The following BTBD16 variants were observed in gnomAD, a reference collection of about 807,000 sequenced individuals.
BTBD16 encodes the protein BTB/POZ domain-containing protein 16.
Under a neutral mutation model 67.4 loss-of-function variants are expected in BTBD16, and 66 were observed. The ratio of observed to expected loss-of-function variants is 0.98; its 90% CI spans 0.80 to 1.20. The LOEUF is 1.20. Among genes scored for constraint, BTBD16 ranks in the 50% most tolerant of loss-of-function variants. BTBD16 has a pLI of 0.00. For synonymous variants in BTBD16, 242 were observed against 236.4 expected, an observed-to-expected ratio of 1.02 and a Z score of -0.22; for missense variants, 634 against 616.0, an observed-to-expected ratio of 1.03 and a Z score of -0.31.
At chr10:122,291,913 G>A (rs1468117052) in intron 7 of BTBD16, among the ~76,000 whole-genome samples, 1 of 152,154 alleles carries the variant, frequency 6.6e-6, no homozygotes, top group East Asian at 1.9e-4. Flanking sequence ...GAACCAGGAG[G>A]CATTCAAAGT....
chr10:122,312,552 G>C (rs2096415944), intron 10 of BTBD16, among the ~76,000 whole-genome samples: 1 of 151,910 alleles, frequency 6.6e-6, no homozygotes, highest in African/African-American at 2.4e-5. Context: ...AACCTTAAGT[G>C]ATCCACCCGC....
chr10:122,292,412 G>A (rs1478654232), intron 7 of BTBD16, among the ~76,000 whole-genome samples: 1 of 152,238 alleles, frequency 6.6e-6, no homozygotes, highest in Non-Finnish European at 1.5e-5. Context: ...TGGGGCTTTG[G>A]GAAGTAAGTA....
chr10:122,273,229 T>TATATATATATATATATATATATAC (rs2096333016), intron 1 of BTBD16, among the ~76,000 whole-genome samples: 1 of 146,740 alleles, frequency 6.8e-6, no homozygotes, highest in East Asian at 2.0e-4. Context: ...AAGATATATA[T>TATATATATATATATATATATATAC]ATATATATAT....
Position 122,332,967 on chromosome 10 carries a change from T to G in BTBD16, c.1164+454T>G, listed in dbSNP as rs892835859. 5.1e-6 allele frequency: 5 copies of G among 985,222 alleles called. No individual in the cohort carries two copies. The African/African-American group carries it at 7.0e-5, about 14-fold the overall frequency. 61.0% of individuals were successfully genotyped at this position (985,222 alleles called of 1,614,324 possible). A position where few individuals can be genotyped will look rare whatever the true frequency, so the allele number is the denominator to read the frequency against. On this transcript the variant is annotated intron_variant, in intron 13 of 15. Transcript: ENST00000260723. The stretch of plus-strand genomic sequence containing the variant: ...ATTTTGATGGATTTCAGAATAAAAC[T>G]GCAGTGGGTCAAGGAGCTTGATTGC...
intron 10 of BTBD16, among the ~76,000 whole-genome samples, chr10:122,325,678 A>G (rs746949169): frequency 2.2e-4 from 34 of 151,700 alleles, no homozygotes; most frequent in Non-Finnish European, 2.7e-4. Flanking sequence ...ATAGATAGAT[A>G]GATTTTTTTT....
At chr10:122,290,118 T>G in intron 6 of BTBD16, 120 bp downstream of exon 6, 1 of 667,456 alleles carries the variant, frequency 1.5e-6, no homozygotes, top group Non-Finnish European at 2.5e-6. Context: ...TTCAGTGCTT[T>G]CTTATTAAAA....
chr10:122,322,672 T>C (rs974177118), intron 10 of BTBD16, among the ~76,000 whole-genome samples: 5 of 152,208 alleles, frequency 3.3e-5, no homozygotes, highest in African/African-American at 1.2e-4. Flanking sequence ...CTGTGGAAGA[T>C]GATCTTATTT....
At chr10:122,275,898 A>G (rs528355282) in intron 2 of BTBD16, among the ~76,000 whole-genome samples, 25 of 152,346 alleles carry the variant, frequency 1.6e-4, no homozygotes, top group African/African-American at 6.0e-4. Context: ...TTCAAAAAAA[A>G]ACTTGCCCAT....
At position 122,284,610 on chromosome 10, in the gene BTBD16, T is replaced by A. The variant is rs144306963; in HGVS notation, c.241+686T>A. On this transcript the variant is annotated intron_variant, in intron 4 of 15. Transcript: ENST00000260723. ...TCTGAGGCAGGATCAAGAATCAGGA[T>A]AGGTCCTTTTTTGCTAGAAAAAGGT... Among the ~76,000 whole-genome samples, 1,490 of 151,848 alleles carry A rather than the reference T, an allele frequency of 9.8e-3. 12 individuals are homozygous for A. Among genetic ancestry groups the A allele is most frequent in the Admixed American group, 0.017 (254 of 15,250 alleles).
intron 7 of BTBD16, among the ~76,000 whole-genome samples, chr10:122,292,468 G>C (rs763117508): frequency 1.3e-5 from 2 of 152,232 alleles, no homozygotes; most frequent in Non-Finnish European, 2.9e-5. Context: ...GCCAGGACTC[G>C]TAGGTCAGGG....
intron 3 of BTBD16, among the ~76,000 whole-genome samples, chr10:122,281,840 C>T (rs1409712472): frequency 1.3e-5 from 2 of 152,196 alleles, no homozygotes; most frequent in African/African-American, 2.4e-5. Context: ...AAACTTACTT[C>T]CTCTTCTTCC....
intron 10 of BTBD16, among the ~76,000 whole-genome samples, chr10:122,324,888 G>A (rs148534287): frequency 5.0e-4 from 76 of 152,370 alleles, no homozygotes; most frequent in African/African-American, 1.8e-3. Flanking sequence ...AATAAGCATG[G>A]AGAAGTGGAA....
chr10:122,316,750 G>T (rs1242345214), intron 10 of BTBD16, among the ~76,000 whole-genome samples: 1 of 151,612 alleles, frequency 6.6e-6, no homozygotes, highest in African/African-American at 2.4e-5. Context: ...AATGGTGCGT[G>T]AATGTTAAGG....
chr10:122,336,027 A>G (rs2096462751), intron 14 of BTBD16, among the ~76,000 whole-genome samples: 1 of 152,196 alleles, frequency 6.6e-6, no homozygotes. Context: ...TGAATGAAGA[A>G]ACCAGAGTTT....
chr10:122,280,643 A>T (rs2096351080), intron 3 of BTBD16, among the ~76,000 whole-genome samples: 1 of 151,644 alleles, frequency 6.6e-6, no homozygotes, highest in Admixed American at 6.6e-5. Context: ...GTTCTGGGAT[A>T]GTGGGACTAG....
At chr10:122,336,069 C>T (rs193261123) in intron 14 of BTBD16, among the ~76,000 whole-genome samples, 266 of 152,202 alleles carry the variant, frequency 1.7e-3, no homozygotes, top group African/African-American at 6.1e-3. Flanking sequence ...CTCATATGTC[C>T]CCTGGAGCAA....
rs201203665 is a variant in BTBD16 at position 122,331,229 on chromosome 10, G to A, written c.1057G>A (p.Asp353Asn). 2.2e-5 allele frequency: 36 copies of A among 1,613,558 alleles called. 1 individual carries two copies. In the South Asian group the frequency reaches 3.6e-4, roughly 16 times the overall value. Residue 353 changes from aspartate (D) to asparagine (N), a missense_variant, in exon 12 of 16, where the codon GAC becomes AAC. By Grantham distance (23) the Asp-to-Asn change is conservative. Coordinates refer to ENST00000260723, the MANE Select transcript of BTBD16 (RefSeq NM_144587.5). ...TAACTTCTTCCCAGAGTCATGGCTCGACCAGGTTACAGTCAACCATTACCA... is the reference window on the plus strand; with the variant it reads ...TAACTTCTTCCCAGAGTCATGGCTCAACCAGGTTACAGTCAACCATTACCA... The part of the protein sequence containing the change: ...HLNFFPESWL[D>N]QVTVNHYHAL...
chr10:122,325,380 T>G (rs556216197), intron 10 of BTBD16, among the ~76,000 whole-genome samples: 1 of 152,294 alleles, frequency 6.6e-6, no homozygotes, highest in Admixed American at 6.5e-5. Context: ...AGATGTATGT[T>G]AGAAGAAGTC....
At chr10:122,323,624 A>G (rs1346849564) in intron 10 of BTBD16, among the ~76,000 whole-genome samples, 1 of 151,444 alleles carries the variant, frequency 6.6e-6, no homozygotes. Context: ...TTGTGATTAT[A>G]CTAATTGAAA....
Sources: allele counts gnomAD v4.1 joint callset (sites outside exome capture counted in the v4.1 genomes callset), GRCh38; gene constraint gnomAD v4.1.1; transcripts MANE v1.5; gene names NCBI Gene and HGNC (gene_info 2026-07-23, HGNC 2026-07-21).